Variants in KCNB2 observed in about 807,000 individuals in gnomAD.
KCNB2 encodes potassium voltage-gated channel subfamily B member 2.
Under a neutral mutation model 61.5 loss-of-function variants are expected in KCNB2, and 15 were observed. That is an observed-to-expected ratio of 0.24 (90% confidence interval 0.16 to 0.38). KCNB2 has a LOEUF of 0.38. Among genes scored for constraint, KCNB2 ranks in the 10% least tolerant of loss-of-function variants. The probability of loss-of-function intolerance (pLI) is 1.00; values close to 1 mark genes in which losing one functional copy is unlikely to be tolerated. For missense variants in KCNB2, 828 were observed against 1,125.2 expected (o/e 0.74, Z 3.78); for synonymous variants, 457 against 446.0 (o/e 1.02, Z -0.31).
At chr8:72,558,274 A>C (rs1162337995) in intron 1 of KCNB2, among the ~76,000 whole-genome samples, 1 of 152,206 alleles carries the variant, frequency 6.6e-6, no homozygotes, top group East Asian at 1.9e-4. Context: ...GTCTACCTCC[A>C]TGAGAATGTA....
intron 2 of KCNB2, among the ~76,000 whole-genome samples, chr8:72,702,271 C>T (rs139411775): frequency 2.0e-5 from 3 of 152,014 alleles, no homozygotes; most frequent in Non-Finnish European, 2.9e-5. Context: ...TCATTTCCAG[C>T]GAACTCAGTT....
intron 2 of KCNB2, among the ~76,000 whole-genome samples, chr8:72,781,821 T>C (rs892814953): frequency 6.6e-6 from 1 of 152,164 alleles, no homozygotes; most frequent in Non-Finnish European, 1.5e-5. Flanking sequence ...GGGACCTGGA[T>C]AGAGCTTGAA....
At chr8:72,887,124 C>T (rs1805819723) in intron 2 of KCNB2, among the ~76,000 whole-genome samples, 1 of 152,172 alleles carries the variant, frequency 6.6e-6, no homozygotes. Context: ...CTTTCTGAGC[C>T]ATAAAGTAAG....
intron 2 of KCNB2, among the ~76,000 whole-genome samples, chr8:72,896,815 C>G (rs966966567): frequency 1.1e-4 from 17 of 152,030 alleles, no homozygotes; most frequent in Admixed American, 8.5e-4. Context: ...AAGAAAAAGT[C>G]AAGAAATGAG....
intron 2 of KCNB2, among the ~76,000 whole-genome samples, chr8:72,931,679 C>T (rs982523812): frequency 6.6e-6 from 1 of 152,084 alleles, no homozygotes; most frequent in Non-Finnish European, 1.5e-5. Flanking sequence ...TCACTCCTGC[C>T]AGCTCTGGAG....
At chr8:72,894,944 T>C (rs1805966569) in intron 2 of KCNB2, among the ~76,000 whole-genome samples, 1 of 152,140 alleles carries the variant, frequency 6.6e-6, no homozygotes, top group Non-Finnish European at 1.5e-5. Flanking sequence ...ATTTTCATGT[T>C]GTTTCCCTAG....
chr8:72,554,225 G>T (rs1366358012), intron 1 of KCNB2, among the ~76,000 whole-genome samples: 1 of 152,052 alleles, frequency 6.6e-6, no homozygotes, highest in Non-Finnish European at 1.5e-5. Context: ...AGAGCAAAGG[G>T]CTACTTTACC....
At chr8:72,851,151 G>A (rs907623049) in intron 2 of KCNB2, among the ~76,000 whole-genome samples, 41 of 152,302 alleles carry the variant, frequency 2.7e-4, no homozygotes, top group Non-Finnish European at 5.6e-4. Context: ...TCTTTCTATG[G>A]AATGAACTAG....
At position 72,680,203 on chromosome 8, in the gene KCNB2, G is replaced by C. The variant is rs138598639; in HGVS notation, c.579+111890G>C. On this transcript the variant is annotated intron_variant, in intron 2 of 2. Transcript: ENST00000523207. ...CTGTGCTACAGGGAATGAACCATTT[G>C]AGGTACCCTAAAGGAAGAGCTTACA... Among the ~76,000 whole-genome samples, 215 of 152,228 alleles carry C rather than the reference G, an allele frequency of 1.4e-3. 1 individual carries two copies. The highest frequency in any genetic ancestry group is 5.0e-3 in the African/African-American group (206 of 41,540).
rs142459350 is a variant in KCNB2, at chr8:72,710,905, C to T, written c.579+142592C>T. On this transcript the variant is annotated intron_variant, in intron 2 of 2. Coordinates refer to ENST00000523207, the MANE Select transcript of KCNB2 (RefSeq NM_004770.3). ...TTAAGTGGATGGAGAAGTCAGAGTG[C>T]TATTTCCTCTTTATTCGTTCATCAA... is the stretch of plus-strand genomic sequence containing the variant. 1.9e-3 allele frequency among the ~76,000 whole-genome samples: 292 copies of T among 152,304 alleles called. 3 individuals are homozygous for T. Among genetic ancestry groups the T allele is most frequent in the African/African-American group, 6.5e-3 (272 of 41,562 alleles).
chr8:72,758,688 T>A (rs1389027989), intron 2 of KCNB2, among the ~76,000 whole-genome samples: 2 of 152,190 alleles, frequency 1.3e-5, no homozygotes, highest in Admixed American at 1.3e-4. Flanking sequence ...TGTTGAACGG[T>A]TATCAGGCAG....
At chr8:72,704,480 A>C (rs918540234) in intron 2 of KCNB2, among the ~76,000 whole-genome samples, 3 of 150,860 alleles carry the variant, frequency 2.0e-5, no homozygotes, top group South Asian at 4.2e-4. Context: ...GCTCTCTCGG[A>C]GATACTGTCA....
At chr8:72,565,650 A>ACG (rs1806612605) in intron 1 of KCNB2, among the ~76,000 whole-genome samples, 1 of 151,290 alleles carries the variant, frequency 6.6e-6, no homozygotes, top group African/African-American at 2.4e-5. Flanking sequence ...CAGAATACAC[A>ACG]CACACACACA....
chr8:72,913,591 A>G (rs1158181912), intron 2 of KCNB2, among the ~76,000 whole-genome samples: 1 of 152,134 alleles, frequency 6.6e-6, no homozygotes, highest in Non-Finnish European at 1.5e-5. Flanking sequence ...GTGTCTGTTG[A>G]TTGAACACTG....
intron 2 of KCNB2, among the ~76,000 whole-genome samples, chr8:72,676,989 T>G (rs1806665473): frequency 6.6e-6 from 1 of 152,186 alleles, no homozygotes. Flanking sequence ...TGACATTATT[T>G]GAAAATATGG....
intron 2 of KCNB2, among the ~76,000 whole-genome samples, chr8:72,579,878 GGGGAA>G (rs1806863571): frequency 6.6e-6 from 1 of 151,992 alleles, no homozygotes; most frequent in Non-Finnish European, 1.5e-5. Flanking sequence ...TCCCAGCCTG[GGGGAA>G]AAAAAGGAAC....
At chr8:72,891,743 A>G (rs1159040321) in intron 2 of KCNB2, among the ~76,000 whole-genome samples, 1 of 152,220 alleles carries the variant, frequency 6.6e-6, no homozygotes, top group Non-Finnish European at 1.5e-5. Context: ...TATCATCCAG[A>G]TAGAGGGGAT....
At chr8:72,929,961 C>T (rs1288874071) in intron 2 of KCNB2, among the ~76,000 whole-genome samples, 2 of 120,606 alleles carry the variant, frequency 1.7e-5, no homozygotes, top group Non-Finnish European at 3.3e-5. Context: ...CCCCCCACCC[C>T]ACAACAGGCC....
At chr8:72,737,536 T>C (rs1807867863) in intron 2 of KCNB2, among the ~76,000 whole-genome samples, 3 of 152,194 alleles carry the variant, frequency 2.0e-5, no homozygotes, top group Admixed American at 1.3e-4. Flanking sequence ...TTCTAGTACA[T>C]AGCCAGATTC....
Sources: gnomAD v4.1 joint callset for allele counts (sites outside exome capture counted in the v4.1 genomes callset) on GRCh38, gnomAD v4.1.1 for gene constraint, MANE v1.5 for transcripts, NCBI Gene and HGNC (gene_info 2026-07-23, HGNC 2026-07-21) for gene names.